Variants in LRRFIP1 observed in about 807,000 individuals in gnomAD.
The protein encoded by LRRFIP1 is LRR binding FLII interacting protein 1, also known as leucine-rich repeat flightless-interacting protein 1.
A neutral mutation model predicts 104.4 loss-of-function variants in LRRFIP1; 62 were observed. That is an observed-to-expected ratio of 0.59 (90% CI 0.48 to 0.73). The LOEUF (loss-of-function observed/expected upper bound fraction) is 0.73. Among genes scored for constraint, LRRFIP1 ranks in the 30% least tolerant of loss-of-function variants. The pLI, the probability that LRRFIP1 is intolerant of heterozygous loss-of-function variation, is 0.00. For synonymous variants in LRRFIP1, 300 were observed against 299.0 expected (o/e 1.00, Z -0.03); for missense variants, 796 against 824.5 (o/e 0.97, Z 0.42).
At chr2:237,773,987 A>C in intron 22 of LRRFIP1, 2 of 180,448 alleles carry the variant, frequency 1.1e-5, no homozygotes, top group African/African-American at 2.4e-5. Context: ...CCACCCCAGG[A>C]GAGATTAGAC....
Position 237,691,321 on chromosome 2 carries a change from G to A in LRRFIP1, c.97-17223G>A, listed in dbSNP as rs1048239483. On this transcript the variant is annotated intron_variant, in intron 1 of 23. Coordinates refer to ENST00000308482, the MANE Select transcript of LRRFIP1 (RefSeq NM_001137550.2). The surrounding 1 kb of genome is among the most constrained non-coding windows in gnomAD (Gnocchi z 5.4). ...GAGTTACGAGGGCGCCCTGTGCCTG[G>A]AGGTGGCGCGGGCTGGAGCCCTCCC... Among the ~76,000 whole-genome samples the A allele has an allele frequency of 3.9e-5, 6 of 152,240 alleles. No individual in the cohort carries two copies. Among genetic ancestry groups the A allele is most frequent in the Admixed American group, 1.3e-4 (2 of 15,290 alleles).
At chr2:237,689,463 A>G (rs777985106) in intron 1 of LRRFIP1, among the ~76,000 whole-genome samples, 22 of 152,228 alleles carry the variant, frequency 1.4e-4, no homozygotes, top group Non-Finnish European at 2.8e-4. Flanking sequence ...TAGCAGAATC[A>G]GAAACCAGCC....
At chr2:237,762,852 C>A (rs1435588729) in intron 19 of LRRFIP1, 2 of 1,614,050 alleles carry the variant, frequency 1.2e-6, no homozygotes, top group Non-Finnish European at 1.7e-6. Flanking sequence ...GAGAGCAGTT[C>A]TCTCCCTGAA....
intron 14 of LRRFIP1, 49 bp downstream of exon 14, chr2:237,751,320 T>TAAA: frequency 2.6e-6 from 3 of 1,149,858 alleles, no homozygotes; most frequent in African/African-American, 1.6e-5. Flanking sequence ...CAACTTAACT[T>TAAA]AAAAAAAAAA....
In LRRFIP1 at chr2:237,720,824, T is replaced by A. The variant is rs1575808929; in HGVS notation, c.345+2T>A. On this transcript the variant is annotated splice_donor_variant, in intron 6 of 23. Coordinates refer to ENST00000308482, the MANE Select transcript of LRRFIP1 (RefSeq NM_001137550.2). LOFTEE classifies it high-confidence loss of function. ...GTGGGTAGTCGTGGAAGCCTGAGGG[T>A]CAGTAACCAGAATGATGGAGTTTGC... 1 of 1,613,688 alleles carries A rather than the reference T, an allele frequency of 6.2e-7. No individual in the cohort carries two copies. The highest frequency in any genetic ancestry group is 8.5e-7 in the Non-Finnish European group (1 of 1,179,748).
At chr2:237,764,277 TAA>T in intron 19 of LRRFIP1, 1 of 1,574,708 alleles carries the variant, frequency 6.4e-7, no homozygotes, top group South Asian at 1.2e-5. Flanking sequence ...TCTACTGCTT[TAA>T]GTTATAGACT....
rs1211934699 is a variant in LRRFIP1, at chr2:237,781,044, A to G, written c.*1512A>G. On this transcript the variant is annotated 3_prime_UTR_variant, in exon 24 of 24. Transcript: ENST00000308482. ...ACACCCGGGCACCGTATGAACAGGA[A>G]AGAGGAAGGAAGCTGGACGAAGCCC... Among the ~76,000 whole-genome samples, 1 of 151,254 alleles carries G rather than the reference A, an allele frequency of 6.6e-6. No individual in the cohort carries two copies. Among genetic ancestry groups the G allele is most frequent in the African/African-American group, 2.5e-5 (1 of 40,548 alleles).
intron 23 of LRRFIP1, among the ~76,000 whole-genome samples, chr2:237,775,839 A>G (rs2061043113): frequency 6.6e-6 from 1 of 152,178 alleles, no homozygotes; most frequent in African/African-American, 2.4e-5. Context: ...ACCGTTTTTC[A>G]TTAAAAAAAA....
intron 1 of LRRFIP1, among the ~76,000 whole-genome samples, chr2:237,673,706 T>G (rs2090701528): frequency 6.6e-6 from 1 of 152,110 alleles, no homozygotes; most frequent in Non-Finnish European, 1.5e-5. Flanking sequence ...TTGGCAGCAG[T>G]GGCGGGGAGG....
At position 237,700,803 on chromosome 2, in the gene LRRFIP1, C is replaced by T. The variant is rs537215218; in HGVS notation, c.97-7741C>T. 2.6e-5 allele frequency among the ~76,000 whole-genome samples: 4 copies of T among 152,184 alleles called. No homozygotes were observed. In the East Asian group the frequency reaches 5.8e-4, roughly 22 times the overall value. ...TGCCCTGGGTCTCCCCTGGGCTCTG[C>T]GGGGGGAGGTGGGAGCCGCCTCTGG... On this transcript the variant is annotated intron_variant, in intron 1 of 23. Coordinates refer to ENST00000308482, the MANE Select transcript of LRRFIP1 (RefSeq NM_001137550.2).
At chr2:237,688,968 T>G (rs977399483) in intron 1 of LRRFIP1, among the ~76,000 whole-genome samples, 2 of 146,698 alleles carry the variant, frequency 1.4e-5, no homozygotes, top group African/African-American at 5.5e-5. Context: ...ACACCCTGAC[T>G]TCTGACCCGG....
At chr2:237,699,148 T>G (rs7570289) in intron 1 of LRRFIP1, among the ~76,000 whole-genome samples, 5,899 of 152,214 alleles carry the variant, frequency 0.039, 336 homozygotes, top group African/African-American at 0.13. Context: ...GTCTATGACG[T>G]GACATTCTAC....
chr2:237,654,869 C>A (rs191307316), intron 1 of LRRFIP1, among the ~76,000 whole-genome samples: 1 of 152,216 alleles, frequency 6.6e-6, no homozygotes, highest in East Asian at 1.9e-4. Flanking sequence ...TATATCTACA[C>A]TCCCACATTC....
intron 5 of LRRFIP1, among the ~76,000 whole-genome samples, chr2:237,720,367 C>T (rs1030883208): frequency 1.8e-4 from 27 of 152,096 alleles, no homozygotes; most frequent in African/African-American, 6.0e-4. Flanking sequence ...CATGCCTCAG[C>T]CTCCTGAGTA....
At chr2:237,628,663 C>T (rs948417697) in intron 1 of LRRFIP1, among the ~76,000 whole-genome samples, 1 of 152,154 alleles carries the variant, frequency 6.6e-6, no homozygotes, top group Non-Finnish European at 1.5e-5. Context: ...CCTTGTAACC[C>T]GCCTTACAGG....
At chr2:237,633,562 T>C (rs1039475173) in intron 1 of LRRFIP1, among the ~76,000 whole-genome samples, 1 of 147,322 alleles carries the variant, frequency 6.8e-6, no homozygotes, top group Non-Finnish European at 1.5e-5. Flanking sequence ...CTGTCCCCCG[T>C]GAGCCCTGCC....
chr2:237,627,953 C>G (rs993285152), intron 1 of LRRFIP1, among the ~76,000 whole-genome samples: 2 of 150,938 alleles, frequency 1.3e-5, no homozygotes, highest in Non-Finnish European at 3.0e-5. Flanking sequence ...ACCCCGCACC[C>G]GTTCTCCAGC....
intron 1 of LRRFIP1, among the ~76,000 whole-genome samples, chr2:237,701,469 C>G (rs1301583615): frequency 6.6e-6 from 1 of 152,252 alleles, no homozygotes; most frequent in Non-Finnish European, 1.5e-5. Context: ...CTCCACTCTG[C>G]GCTCCGCTGG....
chr2:237,759,604 C>T (rs2059655399), intron 18 of LRRFIP1, among the ~76,000 whole-genome samples: 1 of 152,212 alleles, frequency 6.6e-6, no homozygotes, highest in South Asian at 2.1e-4. Flanking sequence ...ACTGAACATT[C>T]TAGCCACCTC....
Sources: allele counts gnomAD v4.1 joint callset (sites outside exome capture counted in the v4.1 genomes callset), GRCh38; gene constraint gnomAD v4.1.1; non-coding constraint Gnocchi (gnomAD v3.1); transcripts MANE v1.5; gene names NCBI Gene and HGNC (gene_info 2026-07-23, HGNC 2026-07-21).